Variants in ABCC4 observed in about 807,000 individuals in gnomAD.
ABCC4 encodes ATP-binding cassette sub-family C member 4.
In ABCC4, 102 loss-of-function variants were observed where a neutral mutation model predicts 168.5. The observed-to-expected ratio is 0.61, with a 90% confidence interval of 0.52 to 0.71. The LOEUF is 0.71. ABCC4 is among the 30% of genes least tolerant of loss of function. The pLI is 0.00. For synonymous variants in ABCC4, 617 were observed against 590.7 expected (o/e 1.04, Z -0.65); for missense variants, 1,402 against 1,605.8 (o/e 0.87, Z 2.17).
chr13:95,024,245 T>C (rs2031267449), intron 30 of ABCC4, among the ~76,000 whole-genome samples: 1 of 151,302 alleles, frequency 6.6e-6, no homozygotes, highest in Non-Finnish European at 1.5e-5. Flanking sequence ...CAGCTTCTTG[T>C]ACTTTAGCAT....
chr13:95,273,758 G>A (rs1055603589), intron 1 of ABCC4, among the ~76,000 whole-genome samples: 1 of 150,434 alleles, frequency 6.6e-6, no homozygotes, highest in South Asian at 2.1e-4. Flanking sequence ...TCTTTCCTGT[G>A]CTGTTCTTGT....
chr13:95,276,716 T>C (rs1478698470), intron 1 of ABCC4, among the ~76,000 whole-genome samples: 1 of 151,932 alleles, frequency 6.6e-6, no homozygotes, highest in Non-Finnish European at 1.5e-5. Context: ...CCTTTATTAA[T>C]AAAAAAGGAT....
At chr13:95,248,734 T>C (rs2040178925) in intron 1 of ABCC4, among the ~76,000 whole-genome samples, 1 of 152,096 alleles carries the variant, frequency 6.6e-6, no homozygotes, top group African/African-American at 2.4e-5. Context: ...CATAGTGAGA[T>C]GCCCACTTCT....
In ABCC4 at chr13:95,025,210, CCCCCACACA is replaced by C. The variant is rs1205276202; in HGVS notation, c.3871-3537_3871-3529del. On this transcript the variant is annotated intron_variant, in intron 30 of 30. Coordinates refer to ENST00000645237, the MANE Select transcript of ABCC4 (RefSeq NM_005845.5). The stretch of plus-strand genomic sequence containing the variant: ...ACACCCACACCACACACCCCCACAC[CCCCCACACA>C]CCCCCACACACACCCATACACACAC... Among the ~76,000 whole-genome samples the C allele has an allele frequency of 1.3e-3, 59 of 44,724 alleles. 1 individual carries two copies. The highest frequency in any genetic ancestry group is 5.7e-3 in the African/African-American group (49 of 8,562). 29.3% of individuals were successfully genotyped at this position (44,724 alleles called of 152,430 possible). A position where few individuals can be genotyped will look rare whatever the true frequency, so the allele number is the denominator to read the frequency against.
chr13:95,301,209 C>A, intron 1 of ABCC4, 32 bp downstream of exon 1: 1 of 1,565,078 alleles, frequency 6.4e-7, no homozygotes, highest in Admixed American at 1.8e-5. Flanking sequence ...CCAGCGGCTG[C>A]AGGGTGACCT....
intron 3 of ABCC4, among the ~76,000 whole-genome samples, chr13:95,236,255 G>T (rs2138764120): frequency 6.6e-6 from 1 of 152,252 alleles, no homozygotes; most frequent in South Asian, 2.1e-4. Context: ...TAAACATGTA[G>T]GCCCTCGACA....
intron 9 of ABCC4, 130 bp downstream of exon 9, chr13:95,194,706 T>A (rs1390578052): frequency 1.5e-6 from 1 of 648,198 alleles, no homozygotes; most frequent in Non-Finnish European, 2.5e-6. Flanking sequence ...ATTTTGAGAA[T>A]CTTTGTAACA....
intron 1 of ABCC4, among the ~76,000 whole-genome samples, chr13:95,282,762 T>C (rs2041158638): frequency 6.6e-6 from 1 of 151,744 alleles, no homozygotes; most frequent in Non-Finnish European, 1.5e-5. Flanking sequence ...CTCAAACTCC[T>C]GACCTTGTGA....
chr13:95,186,838 T>C lies in ABCC4; in HGVS notation c.1408A>G (p.Ser470Gly). 6.2e-7 allele frequency: 1 copy of C among 1,614,138 alleles called. No individual in the cohort carries two copies. Among genetic ancestry groups the C allele is most frequent in the Non-Finnish European group, 8.5e-7 (1 of 1,179,984 alleles). The change falls in exon 11 of 31, where the codon AGC becomes GGC. Residue 470 changes from serine to glycine, a missense_variant. Physicochemically the swap from Ser to Gly is moderately conservative, Grantham distance 56. Around this residue, in one of 3 missense-constraint regions of ABCC4, gnomAD observed 1,007 missense variants for 1,127.3 expected, o/e 0.89. Coordinates refer to ENST00000645237, the MANE Select transcript of ABCC4 (RefSeq NM_005845.5). ...ACATAGGCAATTCTTCCATGCACGCTGACCAGCCCGTGACTTGGGGCCAAT... is the reference window on the plus strand; with the variant it reads ...ACATAGGCAATTCTTCCATGCACGCCGACCAGCCCGTGACTTGGGGCCAAT... ...GELAPSHGLV[S>G]VHGRIAYVSQ... is the part of the protein sequence containing the mutation.
At chr13:95,165,606 G>C (rs1242037285) in intron 15 of ABCC4, among the ~76,000 whole-genome samples, 1 of 152,188 alleles carries the variant, frequency 6.6e-6, no homozygotes, top group East Asian at 1.9e-4. Flanking sequence ...AGGTAAAGAA[G>C]GAAGTTGGGC....
chr13:95,228,558 T>C (rs1247238965), intron 4 of ABCC4, among the ~76,000 whole-genome samples: 1 of 152,076 alleles, frequency 6.6e-6, no homozygotes, highest in Non-Finnish European at 1.5e-5. Flanking sequence ...GCGCATTACC[T>C]GAGGTTTGGA....
intron 20 of ABCC4, among the ~76,000 whole-genome samples, chr13:95,091,016 G>C (rs1353839174): frequency 1.3e-5 from 2 of 152,130 alleles, no homozygotes; most frequent in Non-Finnish European, 2.9e-5. Context: ...TGAATAAGTA[G>C]AAGAAAGAAG....
intron 8 of ABCC4, among the ~76,000 whole-genome samples, chr13:95,203,886 C>T (rs941966828): frequency 1.3e-5 from 2 of 152,186 alleles, no homozygotes; most frequent in East Asian, 3.9e-4. Context: ...CCTCGCTCGG[C>T]CTTCCTCTAG....
intron 19 of ABCC4, among the ~76,000 whole-genome samples, chr13:95,144,810 G>T (rs1007929584): frequency 2.0e-5 from 3 of 152,068 alleles, no homozygotes; most frequent in Non-Finnish European, 4.4e-5. Flanking sequence ...ACTGCCCAGA[G>T]CAATTTACAG....
At chr13:95,057,757 G>A (rs1468542225) in intron 26 of ABCC4, among the ~76,000 whole-genome samples, 1 of 152,234 alleles carries the variant, frequency 6.6e-6, no homozygotes, top group African/African-American at 2.4e-5. Context: ...CACAACCCCA[G>A]GAAGCCATGC....
At chr13:95,049,278 G>T (rs9561770) in intron 27 of ABCC4, among the ~76,000 whole-genome samples, 17,237 of 151,896 alleles carry the variant, frequency 0.11, 1,056 homozygotes, top group Middle Eastern at 0.14. Context: ...AGTTTGCAGT[G>T]AGCTGAGATT....
At chr13:95,045,539 G>T (rs1456668176) in intron 27 of ABCC4, among the ~76,000 whole-genome samples, 1 of 152,104 alleles carries the variant, frequency 6.6e-6, no homozygotes, top group African/African-American at 2.4e-5. Flanking sequence ...AAAAAAACAG[G>T]ACACAATATA....
At chr13:95,207,091 C>G (rs903350242) in intron 7 of ABCC4, among the ~76,000 whole-genome samples, 1 of 152,194 alleles carries the variant, frequency 6.6e-6, no homozygotes, top group Non-Finnish European at 1.5e-5. Flanking sequence ...GGCAATGGTG[C>G]GATCTCAGCT....
At chr13:95,277,788 G>A (rs1594429491) in intron 1 of ABCC4, among the ~76,000 whole-genome samples, 1 of 152,266 alleles carries the variant, frequency 6.6e-6, no homozygotes, top group East Asian at 1.9e-4. Context: ...GACTAAGTGT[G>A]TTGCCTCTGT....
Sources: allele counts gnomAD v4.1 joint callset (sites outside exome capture counted in the v4.1 genomes callset), GRCh38; gene constraint gnomAD v4.1.1; regional missense constraint gnomAD v4.1.1; transcripts MANE v1.5; gene names NCBI Gene and HGNC (gene_info 2026-07-23, HGNC 2026-07-21).